The following LYPD6 variants were observed in gnomAD, a reference collection of about 807,000 sequenced individuals.
The protein encoded by LYPD6 is LY6/PLAUR domain containing 6.
In LYPD6, 15 loss-of-function variants were observed where a neutral mutation model predicts 22.7. The observed-to-expected ratio is 0.66, with a 90% CI of 0.44 to 1.02. The LOEUF (loss-of-function observed/expected upper bound fraction) is 1.02. Among genes scored for constraint, LYPD6 ranks in the 50% least tolerant of loss-of-function variants. The pLI is 0.00. For missense variants in LYPD6, 189 were observed against 208.4 expected (o/e 0.91, Z 0.57); for synonymous variants, 72 against 77.5 (o/e 0.93, Z 0.37).
intron 2 of LYPD6, among the ~76,000 whole-genome samples, chr2:149,443,688 T>C (rs1683617425): frequency 6.6e-6 from 1 of 152,180 alleles, no homozygotes; most frequent in Non-Finnish European, 1.5e-5. Flanking sequence ...GCAAGAGTAT[T>C]GCATGGCTTT....
intron 1 of LYPD6, among the ~76,000 whole-genome samples, chr2:149,365,767 A>G (rs1037313561): frequency 6.6e-6 from 1 of 151,994 alleles, no homozygotes; most frequent in East Asian, 1.9e-4. Context: ...GAAATTAAAT[A>G]TTAAGGAATA....
At chr2:149,454,666 G>A (rs554855202) in intron 3 of LYPD6, among the ~76,000 whole-genome samples, 32 of 152,188 alleles carry the variant, frequency 2.1e-4, no homozygotes, top group Non-Finnish European at 3.5e-4. Flanking sequence ...CTGCCTGACC[G>A]TTTGCAAAAT....
the LYPD6 span, among the ~76,000 whole-genome samples, chr2:149,482,222 CTAA>C: frequency 6.6e-6 from 1 of 152,134 alleles, no homozygotes; most frequent in Non-Finnish European, 1.5e-5. Flanking sequence ...CTCTTTGTCT[CTAA>C]TAATATAATA....
chr2:149,453,630 A>G (rs982137006), intron 3 of LYPD6, among the ~76,000 whole-genome samples: 2 of 152,224 alleles, frequency 1.3e-5, no homozygotes, highest in African/African-American at 2.4e-5. Context: ...CTTTTTCCAG[A>G]TTGGTTGCCT....
chr2:149,475,693 A>T (rs1003134454), downstream of LYPD6, among the ~76,000 whole-genome samples: 1 of 152,224 alleles, frequency 6.6e-6, no homozygotes, highest in Non-Finnish European at 1.5e-5. Flanking sequence ...GAGACCTAAA[A>T]TCTAGAGCCT....
At chr2:149,467,488 A>G (rs1028051501) in intron 3 of LYPD6, among the ~76,000 whole-genome samples, 1 of 152,174 alleles carries the variant, frequency 6.6e-6, no homozygotes. Flanking sequence ...GTATTAGCTC[A>G]TTCTCAAGAC....
intron 2 of LYPD6, among the ~76,000 whole-genome samples, chr2:149,448,593 T>C (rs997055939): frequency 6.6e-6 from 1 of 152,112 alleles, no homozygotes; most frequent in African/African-American, 2.4e-5. Flanking sequence ...CACTAATCAT[T>C]TCAAAAATGT....
At chr2:149,381,060 TGAG>T (rs1362125369) in intron 1 of LYPD6, among the ~76,000 whole-genome samples, 4 of 152,116 alleles carry the variant, frequency 2.6e-5, no homozygotes, top group African/African-American at 9.7e-5. Flanking sequence ...TTGGTGGCCT[TGAG>T]GAGAATTGTT....
At chr2:149,402,282 G>T (rs1197687226) in intron 1 of LYPD6, among the ~76,000 whole-genome samples, 1 of 151,566 alleles carries the variant, frequency 6.6e-6, no homozygotes, top group East Asian at 1.9e-4. Flanking sequence ...TTATCCACAT[G>T]TTAACTGATG....
At chr2:149,347,267 C>T (rs920346671) in intron 1 of LYPD6, among the ~76,000 whole-genome samples, 7 of 152,160 alleles carry the variant, frequency 4.6e-5, no homozygotes, top group Non-Finnish European at 1.0e-4. Context: ...AAGAGAGCCC[C>T]ACCATCATGA....
intron 1 of LYPD6, among the ~76,000 whole-genome samples, chr2:149,372,327 A>G (rs766104947): frequency 3.3e-5 from 5 of 152,118 alleles, no homozygotes; most frequent in East Asian, 3.9e-4. Context: ...TGCTTATGCT[A>G]TTGTACTTTT....
In LYPD6 at chr2:149,404,889, T is replaced by C. The variant is rs1682659255; in HGVS notation, c.-71-32749T>C. Among the ~76,000 whole-genome samples, 3 of 152,208 alleles carry C rather than the reference T, an allele frequency of 2.0e-5. No individual in the cohort carries two copies. The South Asian group carries it at 6.2e-4, about 31-fold the overall frequency. ...GTGGGTTTGTCATAGATAGGTCTTA[T>C]TATTTTGAGATACATCCCATCAATA... On this transcript the variant is annotated intron_variant, in intron 1 of 4. Coordinates refer to ENST00000334166, the MANE Select transcript of LYPD6 (RefSeq NM_194317.5).
intron 2 of LYPD6, among the ~76,000 whole-genome samples, chr2:149,439,033 C>A (rs936526944): frequency 6.6e-6 from 1 of 152,168 alleles, no homozygotes; most frequent in African/African-American, 2.4e-5. Context: ...ATAATACATA[C>A]TCGTTAGCAT....
At chr2:149,468,622 A>G (rs1489801994) in intron 3 of LYPD6, 23 bp from the exon 4 acceptor site, 1 of 1,607,782 alleles carries the variant, frequency 6.2e-7, no homozygotes, top group Non-Finnish European at 8.5e-7. Flanking sequence ...TTCCCATCTC[A>G]AATATATTTT....
intron 1 of LYPD6, among the ~76,000 whole-genome samples, chr2:149,351,392 T>TAAAA (rs71397025): frequency 6.8e-4 from 56 of 82,874 alleles, no homozygotes; most frequent in Middle Eastern, 7.5e-3. Context: ...AGACTCCATC[T>TAAAA]AAAAAAAAAA....
chr2:149,396,145 GTT>G (rs920536109), intron 1 of LYPD6, among the ~76,000 whole-genome samples: 2 of 151,996 alleles, frequency 1.3e-5, no homozygotes, highest in Admixed American at 6.6e-5. Context: ...TTTTCCCTAT[GTT>G]TCTATTGTTT....
intron 1 of LYPD6, among the ~76,000 whole-genome samples, chr2:149,430,843 A>G (rs1012865091): frequency 6.6e-6 from 1 of 152,170 alleles, no homozygotes; most frequent in Non-Finnish European, 1.5e-5. Flanking sequence ...ATGAAATAGT[A>G]ATTAGGATGT....
At chr2:149,463,774 A>C (rs776356398) in intron 3 of LYPD6, among the ~76,000 whole-genome samples, 4 of 152,176 alleles carry the variant, frequency 2.6e-5, no homozygotes, top group Non-Finnish European at 5.9e-5. Context: ...CAGTTCCAAA[A>C]TACTACATGT....
chr2:149,382,218 T>G lies in LYPD6; in HGVS notation c.-72+51496T>G, dbSNP rs1682081262. 2.0e-5 allele frequency among the ~76,000 whole-genome samples: 3 copies of G among 152,182 alleles called. No individual in the cohort carries two copies. The South Asian group carries it at 6.2e-4, about 32-fold the overall frequency. On this transcript the variant is annotated intron_variant, in intron 1 of 4. Coordinates refer to ENST00000334166, the MANE Select transcript of LYPD6 (RefSeq NM_194317.5). Reference sequence around the variant, plus strand: ...GAAATATATTAATTAACACTAGAAGTTATAATTTCCTTAAGTGCAAAGTAT... The same window carrying G: ...GAAATATATTAATTAACACTAGAAGGTATAATTTCCTTAAGTGCAAAGTAT...
Sources: gnomAD v4.1 joint callset for allele counts (sites outside exome capture counted in the v4.1 genomes callset) on GRCh38, gnomAD v4.1.1 for gene constraint, MANE v1.5 for transcripts, NCBI Gene and HGNC (gene_info 2026-07-23, HGNC 2026-07-21) for gene names.